Variants in FMR1 observed in about 807,000 individuals in gnomAD.
FMR1 encodes the protein FMRP translational regulator 1.
FMR1 carries 13 observed loss-of-function variants against 50.6 expected under a neutral mutation model. The observed-to-expected ratio is 0.26, with a 90% CI of 0.17 to 0.41. The LOEUF (loss-of-function observed/expected upper bound fraction) is 0.41. Ranked by LOEUF, FMR1 falls within the 10% of genes least tolerant of loss-of-function variation. FMR1 has a pLI of 1.00. For missense variants in FMR1, 316 were observed against 491.3 expected, an observed-to-expected ratio of 0.64 and a Z score of 3.37; for synonymous variants, 138 against 164.1, an observed-to-expected ratio of 0.84 and a Z score of 1.22.
rs57443689 is a variant in FMR1, at chrX:147,950,082, CTT to C, written c.*1247_*1248del. On this transcript the variant is annotated 3_prime_UTR_variant, in exon 17 of 17. Coordinates refer to ENST00000370475, the MANE Select transcript of FMR1 (RefSeq NM_002024.6). ...TGGGGTTTGGTTTTGTTTTTTGAGT[CTT>C]TTTTTTTTAAGTGAAATTTATTGAG... The C allele has an allele frequency of 2.2e-5, 6 of 278,468 alleles. No individual in the cohort carries two copies. Among genetic ancestry groups the C allele is most frequent in the Admixed American group, 1.9e-4 (5 of 26,454 alleles). 22.9% of individuals were successfully genotyped at this position (278,468 alleles called of 1,213,427 possible).
At chrX:147,925,267 G>C (rs1293293287) in intron 2 of FMR1, among the ~76,000 whole-genome samples, 1 of 112,183 alleles carries the variant, frequency 8.9e-6, no homozygotes, top group Non-Finnish European at 1.9e-5. Flanking sequence ...TTATTGGAAA[G>C]AAGACTTGTT....
At chrX:147,943,047 T>C in intron 13 of FMR1, 84 bp from the exon 14 acceptor site, 2 of 784,323 alleles carry the variant, frequency 2.5e-6, no homozygotes, top group South Asian at 4.5e-5. Flanking sequence ...TATTCCAGTA[T>C]ATTTTTATCT....
intron 16 of FMR1, among the ~76,000 whole-genome samples, chrX:147,946,004 G>C (rs1251728761): frequency 1.8e-5 from 2 of 112,050 alleles, no homozygotes; most frequent in African/African-American, 6.5e-5. Flanking sequence ...AGCCTCCTGA[G>C]TAGCTGGAAT....
intron 12 of FMR1, 57 bp downstream of exon 12, chrX:147,938,218 C>G: frequency 1.1e-6 from 1 of 936,499 alleles, no homozygotes; most frequent in Non-Finnish European, 1.6e-6. Context: ...TGTTTATTCC[C>G]CTTGTTAACA....
At chrX:147,923,467 C>T (rs1274392544) in intron 2 of FMR1, among the ~76,000 whole-genome samples, 1 of 109,709 alleles carries the variant, frequency 9.1e-6, no homozygotes, top group Non-Finnish European at 1.9e-5. Context: ...TGCTGTTTCC[C>T]ATAAAGGGAG....
At chrX:147,920,068 A>C (rs2043082120) in intron 1 of FMR1, among the ~76,000 whole-genome samples, 1 of 112,267 alleles carries the variant, frequency 8.9e-6, no homozygotes, top group South Asian at 3.6e-4. Flanking sequence ...TTGTCTCACT[A>C]TCCAATATGG....
intron 12 of FMR1, among the ~76,000 whole-genome samples, 172 bp downstream of exon 12, chrX:147,938,333 G>A (rs2043862719): frequency 8.9e-6 from 1 of 112,001 alleles, no homozygotes; most frequent in African/African-American, 3.3e-5. Flanking sequence ...CATGCCGCTT[G>A]TAAGGCTTTT....
At chrX:147,918,119 C>T (rs1170984648) in intron 1 of FMR1, among the ~76,000 whole-genome samples, 1 of 110,824 alleles carries the variant, frequency 9.0e-6, no homozygotes. Flanking sequence ...TGATAGTGCT[C>T]TGGAGATGGC....
rs368581020 is a variant in FMR1 at position 147,918,555 on chromosome X, C to CTTTT, written c.52-3356_52-3353dup. Among the ~76,000 whole-genome samples, 359 of 47,251 alleles carry CTTTT rather than the reference C, an allele frequency of 7.6e-3. 42 individuals are homozygous for CTTTT. Among genetic ancestry groups the CTTTT allele is most frequent in the African/African-American group, 0.019 (179 of 9,268 alleles). 41.0% of individuals were successfully genotyped at this position (47,251 alleles called of 115,157 possible). On this transcript the variant is annotated intron_variant, in intron 1 of 16. Coordinates refer to ENST00000370475, the MANE Select transcript of FMR1 (RefSeq NM_002024.6). Reference sequence around the variant, plus strand: ...GAAATGCATTCAGAGCCTGCAAAAGCTTTTTTTTTTTTTTTTTTTTTTTTT... The same window carrying CTTTT: ...GAAATGCATTCAGAGCCTGCAAAAGCTTTTTTTTTTTTTTTTTTTTTTTTTTTTT...
chrX:147,931,584 A>G (rs1557178709), intron 7 of FMR1, among the ~76,000 whole-genome samples: 3 of 111,808 alleles, frequency 2.7e-5, no homozygotes, highest in Non-Finnish European at 5.6e-5. Context: ...TTTCAACATG[A>G]GCCACTAATA....
intron 16 of FMR1, chrX:147,947,372 A>G (rs1275386042): frequency 2.0e-5 from 2 of 99,360 alleles, no homozygotes; most frequent in South Asian, 5.0e-4. Context: ...AGATCTTGCC[A>G]TTGCACTCCA....
chrX:147,949,495 C>G lies in FMR1; in HGVS notation c.*651C>G, dbSNP rs1557182968. The G allele has an allele frequency of 3.0e-6, 1 of 329,613 alleles. No homozygotes were observed. Among genetic ancestry groups the G allele is most frequent in the African/African-American group, 2.6e-5 (1 of 38,238 alleles). The allele number at this position is 329,613 out of a possible 1,213,427, so 27.2% of individuals were successfully genotyped here. The stretch of plus-strand genomic sequence containing the variant: ...TAAAGATGTAGCAAACCCTGTCAAA[C>G]ATTAGTACTTTATAGAAGAATGCAT... On this transcript the variant is annotated 3_prime_UTR_variant, in exon 17 of 17. Transcript: ENST00000370475.
rs144660432 is a variant in FMR1, at chrX:147,940,926, G to T, written c.1275+264G>T. ...TCTTAAACCCTTACACTCAGTTTAG[G>T]CAATCCTGTACATAGCCTGTTAATC... On this transcript the variant is annotated intron_variant, in intron 13 of 16. Transcript: ENST00000370475. Among the ~76,000 whole-genome samples the T allele has an allele frequency of 1.0e-2, 1,109 of 111,311 alleles. 6 individuals are homozygous for T. Among genetic ancestry groups the T allele is most frequent in the Non-Finnish European group, 0.015 (813 of 52,971 alleles).
At position 147,928,749 on chromosome X, in the gene FMR1, G is replaced by T; in HGVS notation, c.361G>T (p.Ala121Ser). The T allele has an allele frequency of 8.3e-7, 1 of 1,210,406 alleles. No homozygotes were observed. The highest frequency in any genetic ancestry group is 2.3e-4 in the Middle Eastern group (1 of 4,347). The change falls in exon 5 of 17, where the codon GCC becomes TCC. Residue 121 changes from alanine to serine, a missense_variant. This residue lies in a region of FMR1 where 124 missense variants were observed against 238.1 expected (regional missense o/e 0.52). Transcript: ENST00000370475. ...RLRSVNPNKP[A>S]TKDTFHKIKL... is the part of the protein sequence containing the mutation. ...AAGATCTGTTAATCCCAACAAACCT[G>T]CCACAAAAGATACTTTCCATAAGAT...
intron 16 of FMR1, among the ~76,000 whole-genome samples, chrX:147,948,049 T>G (rs1167374544): frequency 8.9e-6 from 1 of 112,325 alleles, no homozygotes; most frequent in Non-Finnish European, 1.9e-5. Flanking sequence ...GTTTTCTTTA[T>G]ACTGTTCCAT....
intron 7 of FMR1, 132 bp from the exon 8 acceptor site, chrX:147,932,293 G>A: frequency 1.7e-6 from 1 of 589,054 alleles, no homozygotes; most frequent in Non-Finnish European, 2.8e-6. Flanking sequence ...AAACCTGTTA[G>A]TTTTAACCTA....
At chrX:147,923,265 T>C (rs984262544) in intron 2 of FMR1, among the ~76,000 whole-genome samples, 16 of 111,964 alleles carry the variant, frequency 1.4e-4, no homozygotes, top group Non-Finnish European at 1.5e-4. Flanking sequence ...AAATACAAGT[T>C]TGAATAGTAG....
intron 1 of FMR1, among the ~76,000 whole-genome samples, chrX:147,919,342 A>G (rs1212668717): frequency 8.9e-6 from 1 of 111,815 alleles, no homozygotes; most frequent in Non-Finnish European, 1.9e-5. Flanking sequence ...CCTAAGAGTG[A>G]CCAGTTCCTG....
In FMR1 at chrX:147,950,806, G is replaced by A. The variant is rs782298459; in HGVS notation, c.*1962G>A. On this transcript the variant is annotated 3_prime_UTR_variant, in exon 17 of 17. Transcript: ENST00000370475. ...CTTTCAAGAACTTGTTTAATAAAGC[G>A]AAAAACTCAACCAAATGGTACAAAA... is the stretch of plus-strand genomic sequence containing the variant. The A allele has an allele frequency of 6.6e-5, 20 of 304,012 alleles. No individual in the cohort carries two copies. The East Asian group carries it at 1.7e-3, about 26-fold the overall frequency. 25.1% of individuals were successfully genotyped at this position (304,012 alleles called of 1,213,427 possible). A position where few individuals can be genotyped will look rare whatever the true frequency, so the allele number is the denominator to read the frequency against.
Sources: gnomAD v4.1 joint callset for allele counts (sites outside exome capture counted in the v4.1 genomes callset) on GRCh38, gnomAD v4.1.1 for gene constraint, gnomAD v4.1.1 regional missense constraint, MANE v1.5 for transcripts, NCBI Gene and HGNC (gene_info 2026-07-23, HGNC 2026-07-21) for gene names.